The following STX8 variants were observed in gnomAD, a reference collection of about 807,000 sequenced individuals.
STX8 encodes syntaxin-8.
STX8 carries 23 observed loss-of-function variants against 37.5 expected under a neutral mutation model. That is an observed-to-expected ratio of 0.61 (90% CI 0.44 to 0.87). STX8 has a LOEUF of 0.87. Among genes scored for constraint, STX8 ranks in the 40% least tolerant of loss-of-function variants. The pLI, the probability that STX8 is intolerant of heterozygous loss-of-function variation, is 0.00. For missense variants in STX8, 313 were observed against 284.7 expected, an observed-to-expected ratio of 1.10 and a Z score of -0.71; for synonymous variants, 115 against 99.1, an observed-to-expected ratio of 1.16 and a Z score of -0.95.
At chr17:9,274,715 A>AT (rs1907603271) in intron 7 of STX8, among the ~76,000 whole-genome samples, 1 of 101,536 alleles carries the variant, frequency 9.8e-6, no homozygotes, top group Non-Finnish European at 2.1e-5. Flanking sequence ...TAATAATAAT[A>AT]AACAAAGTCT....
At chr17:9,565,920 C>T (rs1247428794) in intron 2 of STX8, among the ~76,000 whole-genome samples, 1 of 152,166 alleles carries the variant, frequency 6.6e-6, no homozygotes, top group Non-Finnish European at 1.5e-5. Flanking sequence ...AGGACAAAGA[C>T]ATCAAAAGCA....
intron 7 of STX8, among the ~76,000 whole-genome samples, chr17:9,364,650 C>T (rs909209152): frequency 1.3e-5 from 2 of 152,066 alleles, no homozygotes; most frequent in Non-Finnish European, 2.9e-5. Context: ...CCTGCCTCAG[C>T]CTCCTGAGTA....
At chr17:9,467,327 T>G (rs1172721323) in intron 6 of STX8, 1 of 152,304 alleles carries the variant, frequency 6.6e-6, no homozygotes, top group East Asian at 1.9e-4. Context: ...CTTCCAGAGC[T>G]CTCTGTCTTA....
intron 6 of STX8, among the ~76,000 whole-genome samples, chr17:9,421,499 G>C (rs1487121103): frequency 6.8e-6 from 1 of 147,566 alleles, no homozygotes. Flanking sequence ...CAATGTAGCA[G>C]AATACAGCCA....
intron 7 of STX8, among the ~76,000 whole-genome samples, chr17:9,363,388 C>A (rs940284919): frequency 2.0e-5 from 3 of 152,074 alleles, no homozygotes; most frequent in African/African-American, 7.3e-5. Context: ...GTAATGAGAA[C>A]TGATGAGTTA....
At chr17:9,354,956 A>G (rs1460133428) in intron 7 of STX8, among the ~76,000 whole-genome samples, 1 of 152,112 alleles carries the variant, frequency 6.6e-6, no homozygotes, top group East Asian at 1.9e-4. Context: ...GCTTCCTGCA[A>G]TACTACCACC....
intron 7 of STX8, among the ~76,000 whole-genome samples, chr17:9,348,167 T>A (rs1366488194): frequency 6.6e-6 from 1 of 152,094 alleles, no homozygotes; most frequent in Non-Finnish European, 1.5e-5. Flanking sequence ...GGCTCACACC[T>A]GTAATCCCAG....
At chr17:9,315,338 G>A (rs1464878309) in intron 7 of STX8, among the ~76,000 whole-genome samples, 4 of 151,098 alleles carry the variant, frequency 2.6e-5, no homozygotes, top group East Asian at 1.9e-4. Flanking sequence ...CTCCACTGCT[G>A]ATTTACCCAA....
intron 7 of STX8, among the ~76,000 whole-genome samples, chr17:9,253,207 GGTGTGTGTGTGTGT>G (rs36048368): frequency 7.1e-5 from 10 of 140,938 alleles, no homozygotes; most frequent in Admixed American, 5.0e-4. Context: ...CAGGGGTAGG[GGTGTGTGTGTGTGT>G]GTGTGTGTGT....
At chr17:9,490,021 T>C (rs927860688) in intron 6 of STX8, among the ~76,000 whole-genome samples, 2 of 152,060 alleles carry the variant, frequency 1.3e-5, no homozygotes, top group Non-Finnish European at 2.9e-5. Flanking sequence ...TACTATCACT[T>C]AAGGAAGGAA....
intron 7 of STX8, among the ~76,000 whole-genome samples, chr17:9,338,299 C>T (rs1910206633): frequency 6.6e-6 from 1 of 152,024 alleles, no homozygotes; most frequent in South Asian, 2.1e-4. Flanking sequence ...GGTGATCCGC[C>T]TACATCAGCC....
At chr17:9,511,551 T>C (rs541123331) in intron 4 of STX8, among the ~76,000 whole-genome samples, 1 of 152,098 alleles carries the variant, frequency 6.6e-6, no homozygotes, top group East Asian at 1.9e-4. Context: ...AAATTCAACA[T>C]CTCAATTAAA....
intron 7 of STX8, among the ~76,000 whole-genome samples, chr17:9,351,092 T>G (rs1184263302): frequency 1.3e-5 from 2 of 151,594 alleles, no homozygotes; most frequent in Non-Finnish European, 1.5e-5. Context: ...AACATCTATA[T>G]AGGCCAATGT....
chr17:9,540,600 C>T (rs534357655), intron 4 of STX8: 1 of 152,228 alleles, frequency 6.6e-6, no homozygotes, highest in African/African-American at 2.4e-5. Flanking sequence ...TGTCCAGTCG[C>T]CACATTGGTT....
chr17:9,456,264 G>A (rs1480351083), intron 6 of STX8, among the ~76,000 whole-genome samples: 3 of 152,166 alleles, frequency 2.0e-5, no homozygotes, highest in Non-Finnish European at 4.4e-5. Flanking sequence ...AGTGTATTTG[G>A]GGGGTGGCAG....
intron 5 of STX8, among the ~76,000 whole-genome samples, chr17:9,494,011 T>G (rs1164247472): frequency 6.7e-6 from 1 of 150,160 alleles, no homozygotes; most frequent in Non-Finnish European, 1.5e-5. Flanking sequence ...TTGTTTTGTT[T>G]TTTTGTTGTT....
At chr17:9,526,394 A>G (rs892534614) in intron 4 of STX8, among the ~76,000 whole-genome samples, 6 of 152,068 alleles carry the variant, frequency 3.9e-5, no homozygotes, top group African/African-American at 1.4e-4. Context: ...CCCACCCGCC[A>G]CTCCACATGC....
chr17:9,328,451 C>CA (rs1343397631), intron 7 of STX8, among the ~76,000 whole-genome samples: 1 of 152,098 alleles, frequency 6.6e-6, no homozygotes, highest in East Asian at 1.9e-4. Flanking sequence ...TTCCGAGCCC[C>CA]AACAAGGTCA....
intron 6 of STX8, among the ~76,000 whole-genome samples, chr17:9,421,831 C>T (rs1231821687): frequency 6.6e-6 from 1 of 152,070 alleles, no homozygotes; most frequent in African/African-American, 2.4e-5. Context: ...GAAGGAGGGG[C>T]CTGTTGGGAG....
Sources: gnomAD v4.1 joint callset for allele counts (sites outside exome capture counted in the v4.1 genomes callset) on GRCh38, gnomAD v4.1.1 for gene constraint, MANE v1.5 for transcripts, NCBI Gene and HGNC (gene_info 2026-07-23, HGNC 2026-07-21) for gene names.